ETV7: variants seen among roughly 807,000 people sequenced by gnomAD.
ETV7 encodes ETS variant transcription factor 7.
In ETV7, 43 loss-of-function variants were observed where a neutral mutation model predicts 39.1. The observed-to-expected ratio is 1.10, with a 90% CI of 0.86 to 1.42. The LOEUF (loss-of-function observed/expected upper bound fraction) is 1.42. Among genes scored for constraint, ETV7 ranks in the 40% most tolerant of loss-of-function variants. ETV7 has a pLI of 0.00. For missense variants in ETV7, 432 were observed against 442.3 expected (o/e 0.98, Z 0.21); for synonymous variants, 196 against 176.6 (o/e 1.11, Z -0.87).
At chr6:36,376,527 C>G (rs1218905263) in intron 2 of ETV7, among the ~76,000 whole-genome samples, 2 of 152,144 alleles carry the variant, frequency 1.3e-5, no homozygotes, top group Non-Finnish European at 2.9e-5. Flanking sequence ...CCTGTAATCT[C>G]AGCATTTTGG....
At chr6:36,367,406 A>C (rs1482932798) in intron 6 of ETV7, among the ~76,000 whole-genome samples, 1 of 151,956 alleles carries the variant, frequency 6.6e-6, no homozygotes, top group Non-Finnish European at 1.5e-5. Context: ...TCATGTCACT[A>C]GACTACAGCC....
At chr6:36,356,331 A>C (rs1007908142) in intron 7 of ETV7, among the ~76,000 whole-genome samples, 1 of 150,824 alleles carries the variant, frequency 6.6e-6, no homozygotes, top group Non-Finnish European at 1.5e-5. Context: ...CTCAAAAAAA[A>C]AAAAAAAACA....
intron 6 of ETV7, among the ~76,000 whole-genome samples, 166 bp downstream of exon 6, chr6:36,368,763 G>T (rs1435873974): frequency 2.0e-5 from 3 of 152,186 alleles, no homozygotes; most frequent in Admixed American, 2.0e-4. Flanking sequence ...AGAGGTAACT[G>T]CCTGTCCCTC....
chr6:36,371,688 G>C (rs1331157800), intron 4 of ETV7, 128 bp from the exon 5 acceptor site: 1 of 866,242 alleles, frequency 1.2e-6, no homozygotes, highest in Admixed American at 2.1e-5. Context: ...ACCAGCCCCT[G>C]GTTAGAAGGT....
Position 36,371,447 on chromosome 6 carries a change from T to A in ETV7, c.547A>T (p.Thr183Ser). 1 of 1,601,200 alleles carries A rather than the reference T, an allele frequency of 6.2e-7. No individual in the cohort carries two copies. Among genetic ancestry groups the A allele is most frequent in the Non-Finnish European group, 8.5e-7 (1 of 1,173,444 alleles). Residue 183 changes from threonine to serine, a missense_variant, in exon 5 of 8, where the codon ACC becomes TCC. Physicochemically the swap from Thr to Ser is moderately conservative, Grantham distance 58 (BLOSUM62 1). Coordinates refer to ENST00000340181, the MANE Select transcript of ETV7 (RefSeq NM_016135.4). ...HLDDPGLARW[T>S]PGKEESLNLC... ...TTGAGGGACTCCTCCTTGCCAGGGG[T>A]CCACCTTGCCAGGCCAGGGTCATCC... is the stretch of plus-strand genomic sequence containing the variant.
intron 7 of ETV7, among the ~76,000 whole-genome samples, chr6:36,357,745 G>GCA (rs1772378365): frequency 6.6e-6 from 1 of 152,064 alleles, no homozygotes; most frequent in African/African-American, 2.4e-5. Context: ...AAGTTTGGTG[G>GCA]CACACACCTG....
chr6:36,364,203 T>C (rs2127384371), downstream of ETV7, among the ~76,000 whole-genome samples: 1 of 152,368 alleles, frequency 6.6e-6, no homozygotes, highest in South Asian at 2.1e-4. Flanking sequence ...CAGGTGGAGC[T>C]GCCTGCCAGT....
At chr6:36,378,305 CA>C (rs1773480464) in intron 2 of ETV7, among the ~76,000 whole-genome samples, 1 of 149,298 alleles carries the variant, frequency 6.7e-6, no homozygotes, top group Admixed American at 6.7e-5. Context: ...CACCTCCCAC[CA>C]TTCACATTCA....
Position 36,371,169 on chromosome 6 carries a change from C to T in ETV7, c.664+161G>A, listed in dbSNP as rs113700010. Among the ~76,000 whole-genome samples, 107 of 152,270 alleles carry T rather than the reference C, an allele frequency of 7.0e-4. 1 individual carries two copies. Among genetic ancestry groups the T allele is most frequent in the Admixed American group, 1.2e-3 (19 of 15,292 alleles). The stretch of plus-strand genomic sequence containing the variant: ...TCCCAGGTATCACTGCCCTCTGTGA[C>T]CAGATTGTGGCTAGCACACAGGACA... On this transcript the variant is annotated intron_variant, in intron 5 of 7. Transcript: ENST00000340181.
chr6:36,371,430 C>A lies in ETV7; in HGVS notation c.564G>T (p.Glu188Asp). The change falls in exon 5 of 8, where the codon GAG becomes GAT. Residue 188 changes from glutamate (E) to aspartate (D), a missense_variant. Physicochemically the swap from Glu to Asp is conservative, Grantham distance 45 (BLOSUM62 2). Transcript: ENST00000340181. Reference protein sequence around the residue: ...GLARWTPGKEESLNLCHCAEL... With the variant: ...GLARWTPGKEDSLNLCHCAEL... ...CTGCACAGTGACATAAGTTGAGGGACTCCTCCTTGCCAGGGGTCCACCTTG... is the reference window on the plus strand; with the variant it reads ...CTGCACAGTGACATAAGTTGAGGGAATCCTCCTTGCCAGGGGTCCACCTTG... 1 of 1,601,220 alleles carries A rather than the reference C, an allele frequency of 6.2e-7. No homozygotes were observed. The highest frequency in any genetic ancestry group is 1.1e-5 in the South Asian group (1 of 88,796).
intron 7 of ETV7, among the ~76,000 whole-genome samples, chr6:36,355,234 T>C (rs1291546683): frequency 6.6e-6 from 1 of 152,206 alleles, no homozygotes. Flanking sequence ...CAGATGGTCT[T>C]GATCAGCTTG....
chr6:36,360,623 TTCAG>T (rs1390244915), intron 7 of ETV7, among the ~76,000 whole-genome samples: 1 of 152,006 alleles, frequency 6.6e-6, no homozygotes, highest in African/African-American at 2.4e-5. Flanking sequence ...CCATAGAACA[TTCAG>T]TCAGCCACCG....
intron 7 of ETV7, among the ~76,000 whole-genome samples, chr6:36,355,185 C>T (rs1772304932): frequency 6.6e-6 from 1 of 152,168 alleles, no homozygotes. Context: ...AGCATCTAGT[C>T]GTTCACCATT....
chr6:36,362,937 C>T (rs1303620947), downstream of ETV7, among the ~76,000 whole-genome samples: 1 of 152,250 alleles, frequency 6.6e-6, no homozygotes. Context: ...CCTGCTTCAT[C>T]TTGGACCCAA....
intron 5 of ETV7, among the ~76,000 whole-genome samples, chr6:36,370,311 G>C (rs1482471410): frequency 6.6e-6 from 1 of 152,064 alleles, no homozygotes; most frequent in Non-Finnish European, 1.5e-5. Flanking sequence ...GAGGTGGGTG[G>C]ATCACCTGAG....
intron 4 of ETV7, 75 bp downstream of exon 4, chr6:36,373,378 C>T: frequency 7.0e-7 from 1 of 1,426,968 alleles, no homozygotes; most frequent in Non-Finnish European, 9.2e-7. Flanking sequence ...CATTGCTTCG[C>T]CTTGAGGATG....
downstream of ETV7, among the ~76,000 whole-genome samples, chr6:36,362,301 C>CAAA (rs35241955): frequency 7.4e-6 from 1 of 135,176 alleles, no homozygotes; most frequent in South Asian, 2.3e-4. Flanking sequence ...GACTCTGTCT[C>CAAA]AAAAAAAAAA....
chr6:36,368,513 C>T (rs1387603832), intron 6 of ETV7, among the ~76,000 whole-genome samples: 3 of 152,100 alleles, frequency 2.0e-5, no homozygotes, highest in Non-Finnish European at 4.4e-5. Context: ...ATAGGCATTC[C>T]TCATCATGGG....
At chr6:36,363,972 AAGG>A (rs1772620635), downstream of ETV7, among the ~76,000 whole-genome samples, 1 of 151,856 alleles carries the variant, frequency 6.6e-6, no homozygotes, top group African/African-American at 2.4e-5. Flanking sequence ...AAGGTTCTCC[AAGG>A]CCCCACCAGA....
Sources: gnomAD v4.1 joint callset for allele counts (sites outside exome capture counted in the v4.1 genomes callset) on GRCh38, gnomAD v4.1.1 for gene constraint, MANE v1.5 for transcripts, NCBI Gene and HGNC (gene_info 2026-07-23, HGNC 2026-07-21) for gene names.